PRRC1: variants seen among roughly 807,000 people sequenced by gnomAD.
PRRC1 encodes the protein proline rich coiled-coil 1, also known as protein PRRC1.
Under a neutral mutation model 40.7 loss-of-function variants are expected in PRRC1, and 39 were observed. The observed-to-expected ratio is 0.96, with a 90% confidence interval of 0.74 to 1.25. The LOEUF (loss-of-function observed/expected upper bound fraction) is 1.25. Ranked by LOEUF, PRRC1 falls within the 50% of genes most tolerant of loss-of-function variation. The probability of loss-of-function intolerance (pLI) is 0.00; values close to 1 mark genes in which losing one functional copy is unlikely to be tolerated. For synonymous variants in PRRC1, 175 were observed against 193.3 expected (o/e 0.91, Z 0.79); for missense variants, 573 against 548.3 (o/e 1.05, Z -0.45).
chr5:127,535,025 G>T (rs1157635268), intron 6 of PRRC1, among the ~76,000 whole-genome samples: 1 of 152,092 alleles, frequency 6.6e-6, no homozygotes, highest in Admixed American at 6.6e-5. Flanking sequence ...ACATAATTGT[G>T]TTCCATAAAG....
At chr5:127,521,136 G>A (rs149490175) in intron 1 of PRRC1, among the ~76,000 whole-genome samples, 148 of 152,216 alleles carry the variant, frequency 9.7e-4, no homozygotes, top group Middle Eastern at 3.4e-3. Context: ...AGTATGTTCA[G>A]CTCCCCTGTT....
intron 7 of PRRC1, among the ~76,000 whole-genome samples, chr5:127,547,107 C>A (rs1281104758): frequency 1.3e-5 from 2 of 151,872 alleles, no homozygotes; most frequent in Non-Finnish European, 2.9e-5. Context: ...GCTTCATATC[C>A]TTTTATTGTT....
chr5:127,527,794 G>A (rs1366826043), intron 4 of PRRC1, among the ~76,000 whole-genome samples: 4 of 146,606 alleles, frequency 2.7e-5, no homozygotes, highest in African/African-American at 5.0e-5. Context: ...AAACTATGAT[G>A]AGCACTGTTG....
chr5:127,553,668 A>T lies in PRRC1; in HGVS notation c.*1752A>T, dbSNP rs1580958753. ...TAGTTCTGCTACTTTCCCTCCTATTATAAGGAAATCTTACAGATTCTAAAA... is the reference window on the plus strand; with the variant it reads ...TAGTTCTGCTACTTTCCCTCCTATTTTAAGGAAATCTTACAGATTCTAAAA... On this transcript the variant is annotated 3_prime_UTR_variant, in exon 9 of 9. Coordinates refer to ENST00000296666, the MANE Select transcript of PRRC1 (RefSeq NM_130809.5). 2 of 1,465,344 alleles carry T rather than the reference A, an allele frequency of 1.4e-6. No individual in the cohort carries two copies. Among genetic ancestry groups the T allele is most frequent in the African/African-American group, 1.4e-5 (1 of 69,930 alleles). The allele number at this position is 1,465,344 out of a possible 1,614,324, so 90.8% of individuals were successfully genotyped here.
At chr5:127,533,815 A>T (rs1437927064) in intron 6 of PRRC1, 29 bp downstream of exon 6, 3 of 1,609,548 alleles carry the variant, frequency 1.9e-6, no homozygotes, top group Non-Finnish European at 2.6e-6. Context: ...TTTTCAGGAC[A>T]TGGAAACTGG....
chr5:127,543,451 A>G (rs934930420), intron 7 of PRRC1, among the ~76,000 whole-genome samples: 1 of 152,092 alleles, frequency 6.6e-6, no homozygotes, highest in African/African-American at 2.4e-5. Flanking sequence ...TCTCCTGGAT[A>G]ATATCCTGCA....
rs185782964 is a variant in PRRC1, at chr5:127,541,213, A to G, written c.1025+2070A>G. On this transcript the variant is annotated intron_variant, in intron 7 of 8. Coordinates refer to ENST00000296666, the MANE Select transcript of PRRC1 (RefSeq NM_130809.5). ...GTATATTGAACCAGCCTTTCTTCCCAGGGATGAAGCCCACTTGATCATGGT... is the reference window on the plus strand; with the variant it reads ...GTATATTGAACCAGCCTTTCTTCCCGGGGATGAAGCCCACTTGATCATGGT... Among the ~76,000 whole-genome samples, 508 of 152,292 alleles carry G rather than the reference A, an allele frequency of 3.3e-3. 2 individuals are homozygous for G. Among genetic ancestry groups the G allele is most frequent in the African/African-American group, 0.012 (488 of 41,564 alleles).
At chr5:127,519,423 G>C (rs1265867243) in intron 1 of PRRC1, among the ~76,000 whole-genome samples, 1 of 152,160 alleles carries the variant, frequency 6.6e-6, no homozygotes, top group Non-Finnish European at 1.5e-5. Flanking sequence ...GTTTACACTG[G>C]AATCTTTCTC....
At chr5:127,518,280 G>A (rs928103707) in intron 1 of PRRC1, among the ~76,000 whole-genome samples, 3 of 152,214 alleles carry the variant, frequency 2.0e-5, no homozygotes, top group Non-Finnish European at 4.4e-5. Context: ...ATCACACCAG[G>A]ACCTGCAATG....
In PRRC1 at chr5:127,552,404, CACTATA is replaced by C; in HGVS notation, c.*490_*495del. Reference sequence around the variant, plus strand: ...GGTGCTGAGCAGCCTGCTCAACAGTCACTATAAGACACCTACTTGTCGGGAGATGTT... The same window carrying C: ...GGTGCTGAGCAGCCTGCTCAACAGTCAGACACCTACTTGTCGGGAGATGTT... On this transcript the variant is annotated 3_prime_UTR_variant, in exon 9 of 9. Transcript: ENST00000296666. The C allele has an allele frequency of 1.5e-5, 15 of 989,538 alleles. No individual in the cohort carries two copies. The highest frequency in any genetic ancestry group is 1.7e-5 in the Non-Finnish European group (14 of 831,922). The allele number at this position is 989,538 out of a possible 1,614,324, so 61.3% of individuals were successfully genotyped here.
chr5:127,544,502 G>A (rs993891369), intron 7 of PRRC1, among the ~76,000 whole-genome samples: 15 of 152,242 alleles, frequency 9.9e-5, no homozygotes, highest in Non-Finnish European at 1.9e-4. Context: ...ACAGAGGCAG[G>A]CAGCCCTCCT....
At position 127,539,109 on chromosome 5, in the gene PRRC1, G is replaced by A; in HGVS notation, c.991G>A (p.Val331Ile). The A allele has an allele frequency of 6.2e-7, 1 of 1,612,902 alleles. No homozygotes were observed. Among genetic ancestry groups the A allele is most frequent in the Non-Finnish European group, 8.5e-7 (1 of 1,179,020 alleles). ...CCATGAAAAACAGACAGCTGTGTCAGTAGAAAACTTCATTGCAGAATTGCT... is the reference window on the plus strand; with the variant it reads ...CCATGAAAAACAGACAGCTGTGTCAATAGAAAACTTCATTGCAGAATTGCT... ...VIHEKQTAVS[V>I]ENFIAELLPD... Residue 331 changes from valine (V) to isoleucine (I), a missense_variant, in exon 7 of 9, where the codon GTA becomes ATA. Physicochemically the swap from Val to Ile is conservative, Grantham distance 29. Transcript: ENST00000296666.
intron 8 of PRRC1, chr5:127,548,952 A>C (rs904566795): frequency 6.6e-6 from 1 of 152,176 alleles, no homozygotes; most frequent in Non-Finnish European, 1.5e-5. Flanking sequence ...GTAAGTGAAT[A>C]CTATGCATAC....
Position 127,539,150 on chromosome 5 carries a change from GTATT to G in PRRC1, c.1025+8_1025+11del, listed in dbSNP as rs1767972800. ...CAGAATTGCTGCCTGACAAGTAAGT[GTATT>G]ATGTTTCTCTTGGAAGCAAAATATA... On this transcript the variant is annotated splice_region_variant and intron_variant, in intron 7 of 8. Transcript: ENST00000296666. 2.5e-6 allele frequency: 4 copies of G among 1,608,218 alleles called. No homozygotes were observed. Among genetic ancestry groups the G allele is most frequent in the Non-Finnish European group, 3.4e-6 (4 of 1,175,058 alleles).
At chr5:127,546,069 T>A (rs1768211371) in intron 7 of PRRC1, among the ~76,000 whole-genome samples, 2 of 152,180 alleles carry the variant, frequency 1.3e-5, no homozygotes, top group African/African-American at 4.8e-5. Flanking sequence ...TGTAGGACCT[T>A]AATTACATGC....
At chr5:127,530,178 A>G in intron 4 of PRRC1, 116 bp from the exon 5 acceptor site, 2 of 714,760 alleles carry the variant, frequency 2.8e-6, no homozygotes, top group Non-Finnish European at 4.6e-6. Context: ...TATATCTTAC[A>G]AAAGTACTGG....
chr5:127,547,761 A>T, intron 7 of PRRC1, 58 bp from the exon 8 acceptor site: 1 of 1,168,032 alleles, frequency 8.6e-7, no homozygotes, highest in Non-Finnish European at 1.3e-6. Context: ...CTTTTTGTCT[A>T]TTCATGATAA....
intron 7 of PRRC1, among the ~76,000 whole-genome samples, chr5:127,542,608 G>C (rs1768080460): frequency 6.6e-6 from 1 of 151,312 alleles, no homozygotes; most frequent in African/African-American, 2.4e-5. Context: ...TTGTTGAATT[G>C]ATCCCTTTAC....
At chr5:127,544,548 C>G (rs182752599) in intron 7 of PRRC1, among the ~76,000 whole-genome samples, 145 of 152,340 alleles carry the variant, frequency 9.5e-4, no homozygotes, top group African/African-American at 3.2e-3. Context: ...TCGAGCTTCC[C>G]GGCTGTTTTG....
Sources: gnomAD v4.1 joint callset for allele counts (sites outside exome capture counted in the v4.1 genomes callset) on GRCh38, gnomAD v4.1.1 for gene constraint, MANE v1.5 for transcripts, NCBI Gene and HGNC (gene_info 2026-07-23, HGNC 2026-07-21) for gene names.